ADGRG6: variants seen among roughly 807,000 people sequenced by gnomAD.
The protein encoded by ADGRG6 is G-protein coupled receptor 126.
ADGRG6 carries 84 observed loss-of-function variants against 142.4 expected under a neutral mutation model. That is an observed-to-expected ratio of 0.59 (90% CI 0.49 to 0.71). The LOEUF (loss-of-function observed/expected upper bound fraction) is 0.71, where lower values mean the gene tolerates loss of function less well. ADGRG6 is among the 30% of genes least tolerant of loss of function. The pLI, the probability that ADGRG6 is intolerant of heterozygous loss-of-function variation, is 0.00. For missense variants in ADGRG6, 1,367 were observed against 1,466.6 expected (o/e 0.93, Z 1.11); for synonymous variants, 521 against 520.5 (o/e 1.00, Z -0.01).
In ADGRG6 at chr6:142,387,217, A is replaced by T. The variant is rs144577652; in HGVS notation, c.1223-3041A>T. Among the ~76,000 whole-genome samples, 730 of 152,308 alleles carry T rather than the reference A, an allele frequency of 4.8e-3. 8 individuals are homozygous for T. The highest frequency in any genetic ancestry group is 0.017 in the African/African-American group (692 of 41,564). On this transcript the variant is annotated intron_variant, in intron 6 of 24. Transcript: ENST00000367609. ...AAGAAAAGCTCTTGGACTAATTATT[A>T]TTCCATTCCAAATCATATCTTCTCT...
At chr6:142,381,584 T>C (rs1781772135) in intron 4 of ADGRG6, among the ~76,000 whole-genome samples, 1 of 152,246 alleles carries the variant, frequency 6.6e-6, no homozygotes, top group African/African-American at 2.4e-5. Flanking sequence ...TCATATTAAC[T>C]TCACTTTTGA....
chr6:142,393,966 G>T lies in ADGRG6; in HGVS notation c.1424+8G>T. ...CCTTGAGGATGAGCCAAGGTAACAG[G>T]ACAAAGTATTGTAAAGAGTATAACA... On this transcript the variant is annotated splice_region_variant and intron_variant, in intron 9 of 24. Transcript: ENST00000367609. 1 of 1,509,890 alleles carries T rather than the reference G, an allele frequency of 6.6e-7. No homozygotes were observed. The highest frequency in any genetic ancestry group is 9.0e-7 in the Non-Finnish European group (1 of 1,105,264). 93.5% of individuals were successfully genotyped at this position (1,509,890 alleles called of 1,614,324 possible).
intron 4 of ADGRG6, among the ~76,000 whole-genome samples, chr6:142,380,798 A>C (rs1781737198): frequency 6.6e-6 from 1 of 152,176 alleles, no homozygotes; most frequent in African/African-American, 2.4e-5. Flanking sequence ...AGCACTTAGA[A>C]CTGTGACGCC....
chr6:142,423,522 G>T (rs1325967772), intron 22 of ADGRG6, among the ~76,000 whole-genome samples: 3 of 150,284 alleles, frequency 2.0e-5, no homozygotes, highest in African/African-American at 4.9e-5. Context: ...CTGTTCCATT[G>T]ATCTAGATCT....
chr6:142,413,403 A>G (rs965661643), intron 18 of ADGRG6, among the ~76,000 whole-genome samples: 1 of 152,170 alleles, frequency 6.6e-6, no homozygotes, highest in East Asian at 1.9e-4. Flanking sequence ...ACTGGCTTTC[A>G]TGAAGATTAG....
chr6:142,420,198 G>C, intron 22 of ADGRG6, 94 bp downstream of exon 22: 1 of 956,064 alleles, frequency 1.0e-6, no homozygotes, highest in Non-Finnish European at 1.6e-6. Context: ...TTAAGTTTCT[G>C]TGTCACTATT....
intron 22 of ADGRG6, among the ~76,000 whole-genome samples, chr6:142,430,425 A>C (rs970077295): frequency 6.6e-6 from 1 of 152,202 alleles, no homozygotes; most frequent in Non-Finnish European, 1.5e-5. Flanking sequence ...ATTTTACTGT[A>C]TAGTAGTATC....
intron 1 of ADGRG6, among the ~76,000 whole-genome samples, chr6:142,305,406 C>CG (rs1434880143): frequency 8.9e-6 from 1 of 112,070 alleles, no homozygotes; most frequent in East Asian, 2.3e-3. Flanking sequence ...TCCTTTCCTG[C>CG]CCCCCCCCAC....
intron 18 of ADGRG6, among the ~76,000 whole-genome samples, chr6:142,412,980 T>C (rs995045183): frequency 5.9e-5 from 9 of 152,060 alleles, no homozygotes; most frequent in African/African-American, 1.9e-4. Context: ...TTATTATGAG[T>C]TTGTAATTAC....
intron 1 of ADGRG6, among the ~76,000 whole-genome samples, chr6:142,304,033 T>C (rs1777361546): frequency 1.3e-5 from 2 of 152,156 alleles, no homozygotes; most frequent in Non-Finnish European, 2.9e-5. Flanking sequence ...ATGGTAAGTA[T>C]ATTTTTTTCC....
chr6:142,329,665 A>G (rs759098141), intron 2 of ADGRG6, among the ~76,000 whole-genome samples: 1 of 152,172 alleles, frequency 6.6e-6, no homozygotes, highest in Non-Finnish European at 1.5e-5. Flanking sequence ...CATGTTTGTG[A>G]TCAACACAAA....
chr6:142,392,544 C>T (rs1436331658), intron 7 of ADGRG6, among the ~76,000 whole-genome samples: 1 of 151,720 alleles, frequency 6.6e-6, no homozygotes, highest in Non-Finnish European at 1.5e-5. Flanking sequence ...ATATTTATTG[C>T]AAATCTTCTT....
chr6:142,323,403 C>T (rs1220617231), intron 2 of ADGRG6, among the ~76,000 whole-genome samples: 1 of 152,026 alleles, frequency 6.6e-6, no homozygotes, highest in East Asian at 1.9e-4. Flanking sequence ...AATCTGATCT[C>T]ATTCCTTAGT....
intron 21 of ADGRG6, among the ~76,000 whole-genome samples, chr6:142,419,450 A>G (rs1428017627): frequency 6.6e-6 from 1 of 152,182 alleles, no homozygotes; most frequent in Non-Finnish European, 1.5e-5. Context: ...CTTAAATACA[A>G]AGGAGACCAA....
At chr6:142,365,181 A>G (rs1004948095) in intron 2 of ADGRG6, among the ~76,000 whole-genome samples, 1 of 152,228 alleles carries the variant, frequency 6.6e-6, no homozygotes, top group African/African-American at 2.4e-5. Context: ...CTTGTCAGAA[A>G]GTCCTAATCA....
chr6:142,349,168 C>T (rs1780042205), intron 2 of ADGRG6, among the ~76,000 whole-genome samples: 1 of 152,158 alleles, frequency 6.6e-6, no homozygotes, highest in Non-Finnish European at 1.5e-5. Flanking sequence ...TTCCTCAGTG[C>T]CTCTTGTTTC....
rs1424930863 is a variant in ADGRG6 at position 142,434,366 on chromosome 6, C to T, written c.3320-3068C>T. On this transcript the variant is annotated intron_variant, in intron 22 of 24. Transcript: ENST00000367609. ...TTGAGACGGAGTCTCGCACTGTCAC[C>T]CAGGATGGAGTGGAATGGCACGATC... 3.3e-5 allele frequency among the ~76,000 whole-genome samples: 5 copies of T among 151,238 alleles called. 1 individual carries two copies. Among genetic ancestry groups the T allele is most frequent in the Non-Finnish European group, 7.4e-5 (5 of 67,784 alleles).
intron 2 of ADGRG6, among the ~76,000 whole-genome samples, chr6:142,354,434 TATAA>T (rs1474502074): frequency 6.6e-6 from 1 of 152,128 alleles, no homozygotes; most frequent in African/African-American, 2.4e-5. Flanking sequence ...AATGGCCAAA[TATAA>T]TCCTCAGTTT....
In ADGRG6 at chr6:142,413,056, C is replaced by T. The variant is rs888499625; in HGVS notation, c.2541+1645C>T. The stretch of plus-strand genomic sequence containing the variant: ...ATATATATATATATGTGAAGATAAG[C>T]ATCATTCATGTTCTCTTTCCATTTT... On this transcript the variant is annotated intron_variant, in intron 18 of 24. Transcript: ENST00000367609. Among the ~76,000 whole-genome samples, 3 of 146,110 alleles carry T rather than the reference C, an allele frequency of 2.1e-5. No homozygotes were observed. In the South Asian group the frequency reaches 6.5e-4, roughly 32 times the overall value.
Sources: allele counts gnomAD v4.1 joint callset (sites outside exome capture counted in the v4.1 genomes callset), GRCh38; gene constraint gnomAD v4.1.1; transcripts MANE v1.5; gene names NCBI Gene and HGNC (gene_info 2026-07-23, HGNC 2026-07-21).